Variants in FADS2 observed in about 807,000 individuals in gnomAD.
FADS2 encodes the protein acyl-CoA 6-desaturase.
Under a neutral mutation model 61.2 loss-of-function variants are expected in FADS2, and 18 were observed. The observed-to-expected ratio is 0.29, with a 90% CI of 0.20 to 0.44. The LOEUF (loss-of-function observed/expected upper bound fraction) is 0.44, where lower values mean the gene tolerates loss of function less well. Ranked by LOEUF, FADS2 falls within the 20% of genes least tolerant of loss-of-function variation. FADS2 has a pLI of 1.00. For missense variants in FADS2, 322 were observed against 572.7 expected (o/e 0.56, Z 4.47); for synonymous variants, 203 against 223.9 (o/e 0.91, Z 0.83).
chr11:61,828,810 G>C lies in FADS2; in HGVS notation c.207+213G>C, dbSNP rs1172080681. On this transcript the variant is annotated intron_variant, in intron 1 of 11. Transcript: ENST00000278840. This position sits in a 1 kb window ranked among gnomAD's most constrained non-coding sequence, Gnocchi z 6.4. ...GGAGACCGGATCTGGGACCCGGGGAGGCGGCGCTGCGGTGAAAGTCCCAGC... is the reference window on the plus strand; with the variant it reads ...GGAGACCGGATCTGGGACCCGGGGACGCGGCGCTGCGGTGAAAGTCCCAGC... 5 of 563,550 alleles carry C rather than the reference G, an allele frequency of 8.9e-6. No homozygotes were observed. Among genetic ancestry groups the C allele is most frequent in the Non-Finnish European group, 1.6e-5 (5 of 317,028 alleles). 34.9% of individuals were successfully genotyped at this position (563,550 alleles called of 1,614,324 possible). A position where few individuals can be genotyped will look rare whatever the true frequency, so the allele number is the denominator to read the frequency against.
At chr11:61,848,425 G>C in intron 5 of FADS2, 141 bp downstream of exon 5, 1 of 1,435,596 alleles carries the variant, frequency 7.0e-7, no homozygotes, top group Non-Finnish European at 9.6e-7. Flanking sequence ...TACGACTAAG[G>C]GGTTGGTGTT....
At position 61,816,974 on chromosome 11, in the gene FADS2, G is replaced by A; in HGVS notation, c.141+548G>A. 1 of 1,367,810 alleles carries A rather than the reference G, an allele frequency of 7.3e-7. No individual in the cohort carries two copies. Among genetic ancestry groups the A allele is most frequent in the Non-Finnish European group, 9.4e-7 (1 of 1,068,452 alleles). 84.7% of individuals were successfully genotyped at this position (1,367,810 alleles called of 1,614,324 possible). A position where few individuals can be genotyped will look rare whatever the true frequency, so the allele number is the denominator to read the frequency against. On this transcript the variant is annotated intron_variant, in intron 1 of 11. Coordinates refer to the FADS2 transcript ENST00000257261. The surrounding 1 kb of genome is among the most constrained non-coding windows in gnomAD (Gnocchi z 7.0). ...GGGGAGCGAGATCCCGTCCCCCGGTGGGTCTTGGGCAACTCACAGCTGGGC... is the reference window on the plus strand; with the variant it reads ...GGGGAGCGAGATCCCGTCCCCCGGTAGGTCTTGGGCAACTCACAGCTGGGC...
intron 1 of FADS2, among the ~76,000 whole-genome samples, chr11:61,833,081 G>A (rs2067141834): frequency 6.6e-6 from 1 of 152,188 alleles, no homozygotes; most frequent in South Asian, 2.1e-4. Flanking sequence ...GCAGAAGCAG[G>A]AACTGGCAAA....
Position 61,840,406 on chromosome 11 carries a change from G to T in FADS2, c.391G>T (p.Val131Leu). ...CATGAACCTGTTCAAGACCAACCAC[G>T]TGTTCTTCCTCCTCCTCCTGGCCCA... ...EDMNLFKTNHVFFLLLLAHII... is the reference protein window; with the variant it reads ...EDMNLFKTNHLFFLLLLAHII... The change falls in exon 3 of 12, where the codon GTG becomes TTG. Residue 131 changes from valine (V) to leucine (L), a missense_variant. Val to Leu is a conservative substitution (Grantham distance 32, BLOSUM62 1). Around this residue, in one of 3 missense-constraint regions of FADS2, gnomAD observed 221 missense variants for 427.9 expected, o/e 0.52. Coordinates refer to ENST00000278840, the MANE Select transcript of FADS2 (RefSeq NM_004265.4). The T allele has an allele frequency of 1.2e-6, 2 of 1,614,186 alleles. No homozygotes were observed. Among genetic ancestry groups the T allele is most frequent in the Non-Finnish European group, 1.7e-6 (2 of 1,180,026 alleles).
At chr11:61,845,666 G>A (rs1351962596) in intron 4 of FADS2, among the ~76,000 whole-genome samples, 4 of 151,854 alleles carry the variant, frequency 2.6e-5, no homozygotes, top group Non-Finnish European at 4.4e-5. Context: ...GGTGGCGGGC[G>A]CCTATAATCT....
upstream of FADS2, among the ~76,000 whole-genome samples, chr11:61,824,387 A>G (rs866618855): frequency 6.5e-4 from 73 of 112,678 alleles, 1 homozygote; most frequent in Non-Finnish European, 1.1e-3. Flanking sequence ...ATCTTGGGGG[A>G]AAAAAAAAGA....
Position 61,865,463 on chromosome 11 carries a change from T to A in FADS2, c.1284-175T>A. ...TGCGAGAAGACCATCCCTTTCTGTG[T>A]GGGGTTCCTGGTGGGCTCTGAGCTG... On this transcript the variant is annotated intron_variant, in intron 11 of 11. Coordinates refer to ENST00000278840, the MANE Select transcript of FADS2 (RefSeq NM_004265.4). This position sits in a 1 kb window ranked among gnomAD's most constrained non-coding sequence, Gnocchi z 4.1. The A allele has an allele frequency of 1.0e-6, 1 of 957,906 alleles. No individual in the cohort carries two copies. Among genetic ancestry groups the A allele is most frequent in the Non-Finnish European group, 1.6e-6 (1 of 641,516 alleles). The allele number at this position is 957,906 out of a possible 1,614,324, so 59.3% of individuals were successfully genotyped here. A position where few individuals can be genotyped will look rare whatever the true frequency, so the allele number is the denominator to read the frequency against.
At chr11:61,863,204 G>T in intron 8 of FADS2, 78 bp from the exon 9 acceptor site, 4 of 1,453,462 alleles carry the variant, frequency 2.8e-6, no homozygotes, top group Non-Finnish European at 3.9e-6. Context: ...GCTGTCCTGG[G>T]CTGGTTGGGA....
chr11:61,858,672 G>A (rs766194751), intron 7 of FADS2, among the ~76,000 whole-genome samples: 23 of 151,446 alleles, frequency 1.5e-4, no homozygotes, highest in African/African-American at 3.2e-4. Flanking sequence ...TGCAACCTCC[G>A]CCTCCTGGGT....
At position 61,863,083 on chromosome 11, in the gene FADS2, G is replaced by A; in HGVS notation, c.980+14G>A. ...CAACTTCATCAGGTGCCTGGGCTTT[G>A]CTGATTCATCCCTGGGCCCTCCACT... On this transcript the variant is annotated intron_variant, in intron 8 of 11. Transcript: ENST00000278840. The A allele has an allele frequency of 6.2e-7, 1 of 1,607,394 alleles. No individual in the cohort carries two copies. The highest frequency in any genetic ancestry group is 8.5e-7 in the Non-Finnish European group (1 of 1,173,824).
rs764858002 is a variant in FADS2 at position 61,828,546 on chromosome 11, G to A, written c.156G>A (p.Gln52=). The A allele has an allele frequency of 1.6e-5, 26 of 1,613,886 alleles. No homozygotes were observed. The highest frequency in any genetic ancestry group is 2.2e-5 in the Non-Finnish European group (26 of 1,180,002). ...ACAACATCACCAAATGGTCCATCCA[G>A]CACCCGGGGGGCCAGCGGGTCATCG... ...KVYNITKWSI[Q]HPGGQRVIGH... Residue 52 remains glutamine (Q), a synonymous_variant, in exon 1 of 12, where the codon CAG becomes CAA. Coordinates refer to ENST00000278840, the MANE Select transcript of FADS2 (RefSeq NM_004265.4). The surrounding 1 kb of genome is among the most constrained non-coding windows in gnomAD (Gnocchi z 6.4).
chr11:61,850,542 C>T (rs185953299), intron 5 of FADS2, among the ~76,000 whole-genome samples: 161 of 152,302 alleles, frequency 1.1e-3, no homozygotes, highest in South Asian at 2.7e-3. Context: ...AGCCACCGCG[C>T]CTGGCCCATA....
Position 61,848,282 on chromosome 11 carries a change from G to A in FADS2, c.742G>A (p.Glu248Lys). 6.2e-7 allele frequency: 1 copy of A among 1,614,140 alleles called. No individual in the cohort carries two copies. The highest frequency in any genetic ancestry group is 8.5e-7 in the Non-Finnish European group (1 of 1,179,998). ...VFVLGEWQPI[E>K]YGKKKLKYLP... The stretch of plus-strand genomic sequence containing the variant: ...TGTTCTGGGCGAATGGCAGCCCATC[G>A]AGGTACGACTAAGAGGATGGTGTTG... The change falls in exon 5 of 12, where the codon GAG becomes AAG. Residue 248 changes from glutamate (E) to lysine (K), a missense_variant and splice_region_variant. Physicochemically the swap from Glu to Lys is moderately conservative, Grantham distance 56 (BLOSUM62 1). Coordinates refer to ENST00000278840, the MANE Select transcript of FADS2 (RefSeq NM_004265.4).
At chr11:61,863,656 G>C (rs369954267) in intron 9 of FADS2, 51 bp from the exon 10 acceptor site, 2 of 1,505,962 alleles carry the variant, frequency 1.3e-6, no homozygotes, top group Non-Finnish European at 1.8e-6. Context: ...GAATGAGGCC[G>C]GGCCCTTGGG....
intron 7 of FADS2, among the ~76,000 whole-genome samples, chr11:61,859,348 C>T (rs2067393065): frequency 6.6e-6 from 1 of 152,312 alleles, no homozygotes; most frequent in Non-Finnish European, 1.5e-5. Context: ...TGAGCCACCG[C>T]GCCCGGCCTG....
At chr11:61,835,052 TGCCTCCCCAGGGACTTCTC>T (rs2067160943) in intron 1 of FADS2, among the ~76,000 whole-genome samples, 1 of 115,506 alleles carries the variant, frequency 8.7e-6, no homozygotes, top group Admixed American at 9.9e-5. Context: ...GACTTCTCCC[TGCCTCCCCAGGGACTTCTC>T]CCTGCCTCCC....
Position 61,828,485 on chromosome 11 carries a change from G to A in FADS2, c.95G>A (p.Arg32His). The part of the protein sequence containing the change: ...SWEEIQKHNL[R>H]TDRWLVIDRK... The stretch of plus-strand genomic sequence containing the variant: ...GAGGAGATTCAGAAGCATAACCTGC[G>A]CACCGACAGGTGGCTGGTCATTGAC... The change falls in exon 1 of 12, where the codon CGC becomes CAC. Residue 32 changes from arginine to histidine, a missense_variant. Transcript: ENST00000278840. The surrounding 1 kb of genome is among the most constrained non-coding windows in gnomAD (Gnocchi z 6.4). The A allele has an allele frequency of 6.2e-7, 1 of 1,612,452 alleles. No individual in the cohort carries two copies. Among genetic ancestry groups the A allele is most frequent in the Non-Finnish European group, 8.5e-7 (1 of 1,179,626 alleles).
At chr11:61,857,758 C>T (rs987732974) in intron 7 of FADS2, among the ~76,000 whole-genome samples, 2 of 152,140 alleles carry the variant, frequency 1.3e-5, no homozygotes, top group African/African-American at 4.8e-5. Flanking sequence ...CTGGGGCAGC[C>T]CCTGCTTTTG....
intron 5 of FADS2, among the ~76,000 whole-genome samples, chr11:61,853,156 AAACAAC>A (rs143352979): frequency 0.46 from 68,245 of 149,210 alleles, 16,176 homozygotes; most frequent in Admixed American, 0.58. Context: ...CTCCGTCTCA[AAACAAC>A]AACAACAACA....
Sources: gnomAD v4.1 joint callset for allele counts (sites outside exome capture counted in the v4.1 genomes callset) on GRCh38, gnomAD v4.1.1 for gene constraint, gnomAD v4.1.1 regional missense constraint, Gnocchi (gnomAD v3.1) non-coding constraint, MANE v1.5 for transcripts, NCBI Gene and HGNC (gene_info 2026-07-23, HGNC 2026-07-21) for gene names.